Variants in FCF1 observed in about 807,000 individuals in gnomAD.
The protein encoded by FCF1 is rRNA-processing protein FCF1 homolog.
A neutral mutation model predicts 32.5 loss-of-function variants in FCF1; 17 were observed. The observed-to-expected ratio is 0.52, with a 90% confidence interval of 0.36 to 0.78. The LOEUF is 0.78. FCF1 is among the 30% of genes least tolerant of loss of function. The pLI, the probability that FCF1 is intolerant of heterozygous loss-of-function variation, is 0.00. For synonymous variants in FCF1, 84 were observed against 78.4 expected (o/e 1.07, Z -0.38); for missense variants, 201 against 241.1 (o/e 0.83, Z 1.10).
At chr14:74,734,756 A>G (rs2090684424) in intron 7 of FCF1, 126 bp from the exon 8 acceptor site, 1 of 732,378 alleles carries the variant, frequency 1.4e-6, no homozygotes, top group Non-Finnish European at 2.4e-6. Context: ...ATGTTCCCCT[A>G]AATTGTTTCC....
intron 4 of FCF1, among the ~76,000 whole-genome samples, chr14:74,720,557 A>G (rs2090487216): frequency 6.6e-6 from 1 of 152,210 alleles, no homozygotes; most frequent in Admixed American, 6.5e-5. Context: ...ATTCCACTGT[A>G]TGGATAGATC....
intron 4 of FCF1, among the ~76,000 whole-genome samples, chr14:74,722,204 A>G (rs946609437): frequency 6.6e-6 from 1 of 152,032 alleles, no homozygotes; most frequent in African/African-American, 2.4e-5. Context: ...GCCCAACACC[A>G]TGCCCAGCTA....
Position 74,735,155 on chromosome 14 carries a change from G to A in FCF1, c.*225G>A, listed in dbSNP as rs2090690743. ...AGCATTTTGTGGGGCCGCGGGGGTT[G>A]GGGGGAATCTGTGCAGGGGGAAGCA... On this transcript the variant is annotated 3_prime_UTR_variant, in exon 8 of 8. Coordinates refer to ENST00000341162, the MANE Select transcript of FCF1 (RefSeq NM_015962.5). 1 of 471,942 alleles carries A rather than the reference G, an allele frequency of 2.1e-6. No individual in the cohort carries two copies. Among genetic ancestry groups the A allele is most frequent in the African/African-American group, 2.0e-5 (1 of 50,148 alleles). The allele number at this position is 471,942 out of a possible 1,614,324, so 29.2% of individuals were successfully genotyped here.
chr14:74,734,281 G>C lies in FCF1; in HGVS notation c.548+111G>C. The C allele has an allele frequency of 6.4e-6, 4 of 626,492 alleles. No individual in the cohort carries two copies. The South Asian group carries it at 8.9e-5, about 14-fold the overall frequency. The allele number at this position is 626,492 out of a possible 1,614,324, so 38.8% of individuals were successfully genotyped here. On this transcript the variant is annotated intron_variant, in intron 7 of 7. Transcript: ENST00000341162. ...TTTGAAAGAAATTATTGTATCAAAT[G>C]TTTACATAGTTATATTTGAAGAAAT...
At chr14:74,723,397 C>G (rs2090532347) in intron 5 of FCF1, 53 bp downstream of exon 5, 2 of 1,269,394 alleles carry the variant, frequency 1.6e-6, no homozygotes, top group African/African-American at 3.0e-5. Context: ...GAAGATTCAT[C>G]TGTTTGTTGT....
At chr14:74,732,122 A>G (rs1276473865) in intron 5 of FCF1, among the ~76,000 whole-genome samples, 1 of 151,812 alleles carries the variant, frequency 6.6e-6, no homozygotes, top group African/African-American at 2.4e-5. Context: ...AGTATTGGAA[A>G]GAAGGATTTG....
chr14:74,734,845 A>T, intron 7 of FCF1, 37 bp from the exon 8 acceptor site: 1 of 1,589,126 alleles, frequency 6.3e-7, no homozygotes, highest in South Asian at 1.1e-5. Context: ...TTCTCTTCCC[A>T]TCTTTCTTAC....
intron 4 of FCF1, among the ~76,000 whole-genome samples, chr14:74,721,747 G>A (rs781019686): frequency 3.3e-5 from 5 of 152,092 alleles, no homozygotes; most frequent in Non-Finnish European, 7.4e-5. Flanking sequence ...CTAAGATCAG[G>A]TGTAAAGTTA....
intron 4 of FCF1, among the ~76,000 whole-genome samples, chr14:74,722,047 C>CT (rs59367492): frequency 0.66 from 80,439 of 121,362 alleles, 27,162 homozygotes; most frequent in East Asian, 0.71. Context: ...TGGGTATTTT[C>CT]TTTTTTTTTT....
At chr14:74,717,514 A>C (rs1173890754) in intron 4 of FCF1, among the ~76,000 whole-genome samples, 1 of 152,212 alleles carries the variant, frequency 6.6e-6, no homozygotes. Context: ...TTGTTTTTTC[A>C]TATAGGCCTT....
At position 74,723,422 on chromosome 14, in the gene FCF1, G is replaced by T. The variant is rs1566718106; in HGVS notation, c.365+78G>T. 5.8e-5 allele frequency: 63 copies of T among 1,084,216 alleles called. No individual in the cohort carries two copies. In the East Asian group the frequency reaches 1.6e-3, roughly 27 times the overall value. The allele number at this position is 1,084,216 out of a possible 1,614,324, so 67.2% of individuals were successfully genotyped here. ...CTGTTTGTTGTTTAAAGATTTCTTGGCCAGTTAGTTGTGAAAATCATACAA... is the reference window on the plus strand; with the variant it reads ...CTGTTTGTTGTTTAAAGATTTCTTGTCCAGTTAGTTGTGAAAATCATACAA... On this transcript the variant is annotated intron_variant, in intron 5 of 7. Coordinates refer to ENST00000341162, the MANE Select transcript of FCF1 (RefSeq NM_015962.5).
chr14:74,714,330 G>A (rs1384186676), intron 2 of FCF1, among the ~76,000 whole-genome samples: 1 of 152,168 alleles, frequency 6.6e-6, no homozygotes, highest in Admixed American at 6.5e-5. Context: ...GAGAATAGTC[G>A]TTAAAACCTT....
chr14:74,735,570 CTTTTTTTT>C lies in FCF1; in HGVS notation c.*647_*654del, dbSNP rs571560482. 6.9e-6 allele frequency: 1 copy of C among 144,280 alleles called. No homozygotes were observed. Among genetic ancestry groups the C allele is most frequent in the Non-Finnish European group, 1.5e-5 (1 of 65,500 alleles). The allele number at this position is 144,280 out of a possible 1,614,324, so 8.9% of individuals were successfully genotyped here. A position where few individuals can be genotyped will look rare whatever the true frequency, so the allele number is the denominator to read the frequency against. ...CTGAGGGTAGTTCAATATGCTCACT[CTTTTTTTT>C]TTTTTTCTTGAGATGAAGTTTTGCT... On this transcript the variant is annotated 3_prime_UTR_variant, in exon 8 of 8. Coordinates refer to ENST00000341162, the MANE Select transcript of FCF1 (RefSeq NM_015962.5).
chr14:74,725,911 G>T (rs2090572457), intron 5 of FCF1, among the ~76,000 whole-genome samples: 1 of 151,276 alleles, frequency 6.6e-6, no homozygotes, highest in African/African-American at 2.4e-5. Flanking sequence ...ACTCCAGCCT[G>T]GGTGACAGAG....
At chr14:74,715,389 C>G (rs1290342618) in intron 3 of FCF1, among the ~76,000 whole-genome samples, 1 of 151,956 alleles carries the variant, frequency 6.6e-6, no homozygotes, top group Non-Finnish European at 1.5e-5. Context: ...ACCACATTTT[C>G]CTTATTTTTC....
At position 74,736,403 on chromosome 14, in the gene FCF1, C is replaced by T. The variant is rs1051306122; in HGVS notation, c.*1473C>T. On this transcript the variant is annotated 3_prime_UTR_variant, in exon 8 of 8. Transcript: ENST00000341162. ...TTCCAGCCTGGGTGACAGAGTGAGA[C>T]TGTCTCAAAAAAAAAAAAAAATTAA... 1 of 148,540 alleles carries T rather than the reference C, an allele frequency of 6.7e-6. No individual in the cohort carries two copies. The highest frequency in any genetic ancestry group is 2.5e-5 in the African/African-American group (1 of 40,056). The allele number at this position is 148,540 out of a possible 1,614,324, so 9.2% of individuals were successfully genotyped here.
At position 74,732,753 on chromosome 14, in the gene FCF1, G is replaced by A. The variant is rs755314797; in HGVS notation, c.388G>A (p.Glu130Lys). The A allele has an allele frequency of 3.7e-6, 6 of 1,612,532 alleles. No individual in the cohort carries two copies. The highest frequency in any genetic ancestry group is 5.1e-6 in the Non-Finnish European group (6 of 1,179,150). The change falls in exon 6 of 8, where the codon GAA (glutamate) becomes AAA (lysine). Residue 130 changes from glutamate to lysine, a missense_variant. Glu to Lys is a moderately conservative substitution (Grantham distance 56). Coordinates refer to ENST00000341162, the MANE Select transcript of FCF1 (RefSeq NM_015962.5). ...CAGGATTGCCAAGGATCCAAGATTT[G>A]AACGATTACCATGTACACACAAAGG... is the stretch of plus-strand genomic sequence containing the variant. ...ALRIAKDPRF[E>K]RLPCTHKGTY... is the part of the protein sequence containing the mutation.
At chr14:74,716,360 T>A (rs2090420232) in intron 4 of FCF1, among the ~76,000 whole-genome samples, 1 of 152,172 alleles carries the variant, frequency 6.6e-6, no homozygotes, top group African/African-American at 2.4e-5. Context: ...CATAGGGGAA[T>A]TTTCTGTTTT....
intron 2 of FCF1, among the ~76,000 whole-genome samples, chr14:74,714,489 A>T (rs1295729685): frequency 6.6e-6 from 1 of 152,198 alleles, no homozygotes; most frequent in Non-Finnish European, 1.5e-5. Context: ...ATATGGGGTA[A>T]TACTTTTCCC....
Sources: gnomAD v4.1 joint callset for allele counts (sites outside exome capture counted in the v4.1 genomes callset) on GRCh38, gnomAD v4.1.1 for gene constraint, MANE v1.5 for transcripts, NCBI Gene and HGNC (gene_info 2026-07-23, HGNC 2026-07-21) for gene names.